The following FANCD2OS variants were observed in gnomAD, a reference collection of about 807,000 sequenced individuals.
FANCD2OS encodes FANCD2 opposite strand protein.
FANCD2OS carries 11 observed loss-of-function variants against 13.2 expected under a neutral mutation model. The ratio of observed to expected loss-of-function variants is 0.83; its 90% CI spans 0.52 to 1.38. The LOEUF (loss-of-function observed/expected upper bound fraction) is 1.38. Among genes scored for constraint, FANCD2OS ranks in the 40% most tolerant of loss-of-function variants. The pLI, the probability that FANCD2OS is intolerant of heterozygous loss-of-function variation, is 0.00. For missense variants in FANCD2OS, 217 were observed against 213.9 expected, an observed-to-expected ratio of 1.01 and a Z score of -0.09; for synonymous variants, 69 against 84.5, an observed-to-expected ratio of 0.82 and a Z score of 1.01.
chr3:10,097,266 G>A (rs377014993), intron 2 of FANCD2OS, among the ~76,000 whole-genome samples: 7 of 152,150 alleles, frequency 4.6e-5, no homozygotes, highest in South Asian at 2.1e-4. Flanking sequence ...CAGGAGACAG[G>A]GTTTTGAGAT....
intron 2 of FANCD2OS, among the ~76,000 whole-genome samples, chr3:10,091,997 T>C (rs891321368): frequency 9.9e-5 from 15 of 152,236 alleles, no homozygotes; most frequent in African/African-American, 3.4e-4. Context: ...TGAGGTGTTC[T>C]AATGTTACCA....
At chr3:10,101,070 A>G, downstream of FANCD2OS, 1 of 792,890 alleles carries the variant, frequency 1.3e-6, no homozygotes. Context: ...TCCTTTAAAA[A>G]AAAAAAAAAG....
intron 2 of FANCD2OS, chr3:10,093,188 T>C: frequency 1.2e-6 from 1 of 868,882 alleles, no homozygotes; most frequent in South Asian, 1.3e-5. Flanking sequence ...TAGAATTCTC[T>C]GCAGCACCCA....
intron 2 of FANCD2OS, among the ~76,000 whole-genome samples, chr3:10,091,328 G>T (rs569954735): frequency 1.7e-4 from 26 of 150,812 alleles, no homozygotes; most frequent in African/African-American, 6.1e-4. Flanking sequence ...CAATCCTCCC[G>T]CCTCAGCCTC....
chr3:10,086,006 G>T (rs1264810461), intron 2 of FANCD2OS: 2 of 865,584 alleles, frequency 2.3e-6, no homozygotes, highest in Non-Finnish European at 4.0e-6. Flanking sequence ...AATAACCTGG[G>T]TGTCTTTCAG....
chr3:10,085,584 A>G (rs956266205), intron 2 of FANCD2OS, among the ~76,000 whole-genome samples: 1 of 151,372 alleles, frequency 6.6e-6, no homozygotes, highest in East Asian at 1.9e-4. Flanking sequence ...TAGAGACGGG[A>G]TTTCACCGTG....
At chr3:10,094,424 T>C in intron 2 of FANCD2OS, 1 of 1,404,346 alleles carries the variant, frequency 7.1e-7, no homozygotes, top group Non-Finnish European at 1.0e-6. Context: ...AGATATGTCC[T>C]TGGTGACTCC....
chr3:10,090,282 C>A, intron 2 of FANCD2OS: 1 of 1,607,838 alleles, frequency 6.2e-7, no homozygotes, highest in South Asian at 1.1e-5. Flanking sequence ...ATGCTTTTCC[C>A]GTCTTCTAGG....
chr3:10,101,143 G>T, downstream of FANCD2OS: 2 of 1,410,816 alleles, frequency 1.4e-6, no homozygotes, highest in South Asian at 2.3e-5. Context: ...AGGTCACCCA[G>T]AGCAGTAACC....
intron 2 of FANCD2OS, among the ~76,000 whole-genome samples, chr3:10,089,285 CAAA>C (rs762191428): frequency 1.4e-5 from 2 of 141,206 alleles, no homozygotes; most frequent in African/African-American, 5.2e-5. Context: ...AACTCCATCT[CAAA>C]AAAAAAAAGA....
chr3:10,088,595 A>G (rs1694382715), intron 2 of FANCD2OS: 7 of 1,311,890 alleles, frequency 5.3e-6, no homozygotes, highest in South Asian at 1.2e-5. Flanking sequence ...CTATTTTGCT[A>G]CTGTTGTTTG....
downstream of FANCD2OS, among the ~76,000 whole-genome samples, chr3:10,103,779 G>GT (rs1272481510): frequency 3.3e-5 from 5 of 152,132 alleles, no homozygotes; most frequent in Middle Eastern, 3.4e-3. Flanking sequence ...GTTGGTTAGG[G>GT]TTTTTTTCTT....
chr3:10,102,842 C>CA (rs781512105), downstream of FANCD2OS: 1,371 of 66,942 alleles, frequency 0.02, no homozygotes, highest in South Asian at 0.046. Context: ...GACTCCGTCT[C>CA]AAAAAAAAAA....
chr3:10,081,428 A>G, exon 3 of FANCD2OS: 1 of 1,614,104 alleles, frequency 6.2e-7, no homozygotes, highest in East Asian at 2.2e-5. Context: ...TCCTGCTATC[A>G]GAGGCTGCTG....
downstream of FANCD2OS, chr3:10,101,706 C>CT: frequency 3.7e-6 from 1 of 266,850 alleles, no homozygotes. Flanking sequence ...AAAGTGGGGT[C>CT]TTTATTAACT....
intron 2 of FANCD2OS, chr3:10,085,775 G>A (rs1464142354): frequency 7.3e-7 from 1 of 1,373,200 alleles, no homozygotes; most frequent in Non-Finnish European, 1.0e-6. Flanking sequence ...TAGTTTTCCA[G>A]AAACTAAGCT....
chr3:10,105,763 AAAAAAAAAT>A (rs1470680847), intron 1 of FANCD2OS, among the ~76,000 whole-genome samples: 5,489 of 71,502 alleles, frequency 0.077, 480 homozygotes, highest in African/African-American at 0.2. Context: ...AAAAAAAAAA[AAAAAAAAAT>A]TATATATATA....
At position 10,081,654 on chromosome 3, in the gene FANCD2OS, C is replaced by T. The variant is rs181014732; in HGVS notation, c.*44-123G>A. On this transcript the variant is annotated intron_variant, in intron 2 of 2. Coordinates refer to the FANCD2OS transcript ENST00000524279. The stretch of plus-strand genomic sequence containing the variant: ...CTTGTACCCTCTGAGTCCTTTGGAG[C>T]CACTATGTTAACCCATTTGACAGAT... 17 of 633,396 alleles carry T rather than the reference C, an allele frequency of 2.7e-5. No individual in the cohort carries two copies. In the East Asian group the frequency reaches 4.5e-4, roughly 17 times the overall value. 39.2% of individuals were successfully genotyped at this position (633,396 alleles called of 1,614,324 possible).
intron 1 of FANCD2OS, among the ~76,000 whole-genome samples, chr3:10,106,742 C>T (rs1458383759): frequency 6.6e-6 from 1 of 152,052 alleles, no homozygotes; most frequent in Non-Finnish European, 1.5e-5. Flanking sequence ...GGTGAAACCC[C>T]GTCTCTACTA....
Sources: gnomAD v4.1 joint callset for allele counts (sites outside exome capture counted in the v4.1 genomes callset) on GRCh38, gnomAD v4.1.1 for gene constraint, MANE v1.5 for transcripts, NCBI Gene and HGNC (gene_info 2026-07-23, HGNC 2026-07-21) for gene names.